Variants in SULT1E1 observed in about 807,000 individuals in gnomAD.
SULT1E1 encodes sulfotransferase 1E1.
SULT1E1 carries 36 observed loss-of-function variants against 33.6 expected under a neutral mutation model. The ratio of observed to expected loss-of-function variants is 1.07; its 90% CI spans 0.82 to 1.41. The LOEUF (loss-of-function observed/expected upper bound fraction) is 1.41. Ranked by LOEUF, SULT1E1 falls within the 40% of genes most tolerant of loss-of-function variation. SULT1E1 has a pLI of 0.00. For synonymous variants in SULT1E1, 121 were observed against 111.7 expected (o/e 1.08, Z -0.53); for missense variants, 371 against 345.7 (o/e 1.07, Z -0.58).
chr4:69,824,146 C>T, the SULT1E1 span, among the ~76,000 whole-genome samples: 2 of 152,202 alleles, frequency 1.3e-5, no homozygotes, highest in Non-Finnish European at 2.9e-5. Flanking sequence ...ATCAAAGTTA[C>T]ACCTGAGTGC....
At chr4:69,857,316 C>G (rs956146583) in intron 2 of SULT1E1, among the ~76,000 whole-genome samples, 184 bp downstream of exon 2, 4 of 152,140 alleles carry the variant, frequency 2.6e-5, no homozygotes, top group Non-Finnish European at 5.9e-5. Context: ...TCTCAATGTA[C>G]TATTCAAGTT....
rs190887205 is a variant in SULT1E1 at position 69,846,614 on chromosome 4, T to A, written c.591+1084A>T. Among the ~76,000 whole-genome samples the A allele has an allele frequency of 1.2e-3, 185 of 151,814 alleles. 1 individual carries two copies. Among genetic ancestry groups the A allele is most frequent in the African/African-American group, 4.2e-3 (173 of 41,520 alleles). On this transcript the variant is annotated intron_variant, in intron 6 of 7. Transcript: ENST00000226444. The stretch of plus-strand genomic sequence containing the variant: ...TAACCTAATGTACACAAGTCAGAGT[T>A]TTTCTAGAGTATATGTCTAAGAGTA...
chr4:69,843,362 C>A (rs1338104236), intron 7 of SULT1E1, among the ~76,000 whole-genome samples: 3 of 152,154 alleles, frequency 2.0e-5, no homozygotes, highest in African/African-American at 7.2e-5. Context: ...AACATATAAT[C>A]AAAAGAGTAC....
intron 4 of SULT1E1, 49 bp from the exon 5 acceptor site, chr4:69,849,612 A>T: frequency 6.7e-7 from 1 of 1,498,400 alleles, no homozygotes; most frequent in Non-Finnish European, 8.9e-7. Context: ...TTTTTCAAAC[A>T]GTCTCATCAA....
chr4:69,855,643 C>T (rs1413598021), intron 2 of SULT1E1, among the ~76,000 whole-genome samples: 1 of 152,166 alleles, frequency 6.6e-6, no homozygotes, highest in African/African-American at 2.4e-5. Flanking sequence ...TAGTAAAGCA[C>T]ACCTGAGACC....
downstream of SULT1E1, among the ~76,000 whole-genome samples, chr4:69,837,125 C>T (rs1720810075): frequency 1.3e-5 from 2 of 151,848 alleles, no homozygotes; most frequent in Non-Finnish European, 2.9e-5. Context: ...TAGATAGATG[C>T]AGAAATTACC....
the SULT1E1 span, among the ~76,000 whole-genome samples, chr4:69,835,779 ATTAT>A: frequency 6.6e-6 from 1 of 152,074 alleles, no homozygotes; most frequent in Admixed American, 6.6e-5. Flanking sequence ...TGAGTAGAGG[ATTAT>A]TTATTTATTT....
In SULT1E1 at chr4:69,847,746, C is replaced by A. The variant is rs1298507007; in HGVS notation, c.543G>T (p.Lys181Asn). 2 of 1,609,468 alleles carry A rather than the reference C, an allele frequency of 1.2e-6. No individual in the cohort carries two copies. Among genetic ancestry groups the A allele is most frequent in the East Asian group, 2.2e-5 (1 of 44,654 alleles). Residue 181 changes from lysine (K) to asparagine (N), a missense_variant, in exon 6 of 8, where the codon AAG becomes AAT. By Grantham distance (94) the Lys-to-Asn change is moderately conservative (BLOSUM62 0). Transcript: ENST00000226444. The part of the protein sequence containing the change: ...WYKHVKSWWE[K>N]GKSPRVLFLF... ...GAAATAGTACACGTGGACTCTTTCC[C>A]TTTTCCCACCAAGATTTTACATGTT...
chr4:69,835,439 A>C, the SULT1E1 span, among the ~76,000 whole-genome samples: 1 of 152,198 alleles, frequency 6.6e-6, no homozygotes. Context: ...GAACTGTTAC[A>C]AAAGTGTTAG....
At chr4:69,844,073 G>A in intron 7 of SULT1E1, 88 bp downstream of exon 7, 1 of 1,194,694 alleles carries the variant, frequency 8.4e-7, no homozygotes, top group Middle Eastern at 1.9e-4. Flanking sequence ...TGGGTTCATA[G>A]GCATTAAAAT....
intron 1 of SULT1E1, 77 bp from the exon 2 acceptor site, chr4:69,857,730 AC>A (rs1721274754): frequency 1.5e-6 from 2 of 1,338,142 alleles, no homozygotes; most frequent in Non-Finnish European, 2.0e-6. Flanking sequence ...ATATAACGGG[AC>A]CCTCCTACAT....
In SULT1E1 at chr4:69,841,272, T is replaced by C. The variant is rs1560553047; in HGVS notation, c.*722A>G. 6.6e-6 allele frequency: 1 copy of C among 152,156 alleles called. No homozygotes were observed. The highest frequency in any genetic ancestry group is 1.5e-5 in the Non-Finnish European group (1 of 68,022). 9.4% of individuals were successfully genotyped at this position (152,156 alleles called of 1,614,324 possible). ...TAACAAGATGAATAATCTGTGTTAC[T>C]ACATCATTCCCATAGGTTATAGTTG... is the stretch of plus-strand genomic sequence containing the variant. On this transcript the variant is annotated 3_prime_UTR_variant, in exon 8 of 8. Coordinates refer to ENST00000226444, the MANE Select transcript of SULT1E1 (RefSeq NM_005420.3).
At chr4:69,847,947 C>T (rs942975099) in intron 5 of SULT1E1, among the ~76,000 whole-genome samples, 155 bp from the exon 6 acceptor site, 3 of 151,558 alleles carry the variant, frequency 2.0e-5, no homozygotes, top group Non-Finnish European at 4.4e-5. Flanking sequence ...TTCTCTGCAG[C>T]AAGAGAGGCA....
chr4:69,821,343 T>A, the SULT1E1 span, among the ~76,000 whole-genome samples: 1 of 152,190 alleles, frequency 6.6e-6, no homozygotes, highest in Non-Finnish European at 1.5e-5. Flanking sequence ...TGTTGATACC[T>A]AAGAATAAGG....
At chr4:69,832,116 A>G in the SULT1E1 span, among the ~76,000 whole-genome samples, 1 of 152,222 alleles carries the variant, frequency 6.6e-6, no homozygotes, top group Non-Finnish European at 1.5e-5. Context: ...CTTACGGGAC[A>G]GGTCCTGCCT....
downstream of SULT1E1, among the ~76,000 whole-genome samples, chr4:69,838,159 C>G (rs955363166): frequency 2.0e-5 from 3 of 152,112 alleles, no homozygotes; most frequent in Admixed American, 2.0e-4. Context: ...TGTAGGTCCT[C>G]TGTTTTCCCA....
intron 6 of SULT1E1, among the ~76,000 whole-genome samples, chr4:69,847,177 CAT>C (rs1720992753): frequency 6.6e-6 from 1 of 151,322 alleles, no homozygotes; most frequent in Non-Finnish European, 1.5e-5. Flanking sequence ...CTTAATTTTT[CAT>C]ATTTTTTTAG....
the SULT1E1 span, among the ~76,000 whole-genome samples, chr4:69,835,071 A>G: frequency 3.0e-4 from 45 of 152,290 alleles, no homozygotes; most frequent in Non-Finnish European, 4.6e-4. Flanking sequence ...TACTTTCTGC[A>G]TCACATATTC....
At position 69,842,047 on chromosome 4, in the gene SULT1E1, G is replaced by A. The variant is rs1720895389; in HGVS notation, c.832C>T (p.His278Tyr). Reference protein sequence around the residue: ...TVALNEKFDKHYEQQMKESTL... With the variant: ...TVALNEKFDKYYEQQMKESTL... ...GATTCCTTCATTTGCTGCTCATAAT[G>A]TTTATCAAATTTTTCATTCAGGGCT... Residue 278 changes from histidine (H) to tyrosine (Y), a missense_variant, in exon 8 of 8, where the codon CAT becomes TAT. His to Tyr is a moderately conservative substitution (Grantham distance 83). Transcript: ENST00000226444. 1.9e-6 allele frequency: 3 copies of A among 1,608,998 alleles called. No homozygotes were observed. Among genetic ancestry groups the A allele is most frequent in the Non-Finnish European group, 2.5e-6 (3 of 1,178,184 alleles).
Sources: allele counts gnomAD v4.1 joint callset (sites outside exome capture counted in the v4.1 genomes callset), GRCh38; gene constraint gnomAD v4.1.1; transcripts MANE v1.5; gene names NCBI Gene and HGNC (gene_info 2026-07-23, HGNC 2026-07-21).